SGCD: variants seen among roughly 807,000 people sequenced by gnomAD.
SGCD encodes sarcoglycan delta.
In SGCD, 18 loss-of-function variants were observed where a neutral mutation model predicts 36.6. That is an observed-to-expected ratio of 0.49 (90% confidence interval 0.34 to 0.73). The LOEUF is 0.73. SGCD is among the 30% of genes least tolerant of loss of function. The probability of loss-of-function intolerance (pLI) is 0.01; values close to 1 mark genes in which losing one functional copy is unlikely to be tolerated. For missense variants in SGCD, 387 were observed against 346.7 expected, an observed-to-expected ratio of 1.12 and a Z score of -0.92; for synonymous variants, 133 against 130.6, an observed-to-expected ratio of 1.02 and a Z score of -0.12.
At chr5:156,090,258 A>G (rs1323732339) in intron 1 of SGCD, among the ~76,000 whole-genome samples, 1 of 152,180 alleles carries the variant, frequency 6.6e-6, no homozygotes, top group Non-Finnish European at 1.5e-5. Context: ...GTGAGCATAC[A>G]CTACTATCGG....
At chr5:156,032,061 T>C (rs1406560303) in intron 1 of SGCD, among the ~76,000 whole-genome samples, 2 of 152,208 alleles carry the variant, frequency 1.3e-5, no homozygotes, top group Non-Finnish European at 2.9e-5. Flanking sequence ...TGTGTATCTC[T>C]TCAGGTTTCC....
intron 1 of SGCD, among the ~76,000 whole-genome samples, chr5:155,872,405 A>G (rs1234839166): frequency 6.6e-6 from 1 of 151,898 alleles, no homozygotes; most frequent in Non-Finnish European, 1.5e-5. Flanking sequence ...AAAACTCTAT[A>G]GCCTATTGAA....
the SGCD span, among the ~76,000 whole-genome samples, chr5:155,787,318 T>A: frequency 3.4e-4 from 51 of 152,128 alleles, no homozygotes; most frequent in Non-Finnish European, 6.6e-4. Context: ...ATGCCTCCAA[T>A]CCGATAAAAC....
At chr5:156,227,824 G>A (rs1289717774) in intron 3 of SGCD, among the ~76,000 whole-genome samples, 1 of 151,958 alleles carries the variant, frequency 6.6e-6, no homozygotes, top group Non-Finnish European at 1.5e-5. Flanking sequence ...TCTCCCGGGG[G>A]TTTTGATAGG....
chr5:156,491,969 T>C (rs987748976), intron 3 of SGCD, among the ~76,000 whole-genome samples: 5 of 152,100 alleles, frequency 3.3e-5, no homozygotes, highest in Non-Finnish European at 4.4e-5. Context: ...TGTTCTATAA[T>C]TGGGTTTCCC....
At chr5:156,219,561 C>A (rs1485512909) in intron 3 of SGCD, among the ~76,000 whole-genome samples, 1 of 152,066 alleles carries the variant, frequency 6.6e-6, no homozygotes, top group Non-Finnish European at 1.5e-5. Flanking sequence ...TAAGGATCAC[C>A]AAGTGTGTTA....
the SGCD span, among the ~76,000 whole-genome samples, chr5:155,862,951 G>A: frequency 1.3e-5 from 2 of 152,220 alleles, no homozygotes; most frequent in Admixed American, 1.3e-4. Flanking sequence ...CTGTTGGAGA[G>A]AGAAAATCCA....
the SGCD span, among the ~76,000 whole-genome samples, chr5:155,772,332 A>G: frequency 1.3e-5 from 2 of 152,200 alleles, no homozygotes; most frequent in Non-Finnish European, 2.9e-5. Flanking sequence ...TTTGTGTAGC[A>G]CTTTGATATA....
intron 3 of SGCD, among the ~76,000 whole-genome samples, chr5:156,225,964 G>A (rs553733877): frequency 1.3e-5 from 2 of 152,218 alleles, no homozygotes; most frequent in African/African-American, 2.4e-5. Flanking sequence ...AATGAAAGCT[G>A]TTGGGCATAT....
At chr5:156,541,961 A>G (rs1248857496) in intron 4 of SGCD, among the ~76,000 whole-genome samples, 1 of 152,182 alleles carries the variant, frequency 6.6e-6, no homozygotes, top group Non-Finnish European at 1.5e-5. Context: ...TATTCCTTGA[A>G]AAGTGACTAG....
the SGCD span, among the ~76,000 whole-genome samples, chr5:155,811,282 GCAACAACAACAA>G: frequency 6.6e-6 from 1 of 151,782 alleles, no homozygotes; most frequent in Admixed American, 6.6e-5. Flanking sequence ...ATTCCACAGA[GCAACAACAACAA>G]CAACAACAAC....
chr5:156,758,389 G>GTT (rs3839272), intron 8 of SGCD, among the ~76,000 whole-genome samples: 6 of 140,824 alleles, frequency 4.3e-5, no homozygotes, highest in South Asian at 2.2e-4. Flanking sequence ...AAATCTGTGT[G>GTT]TTTTTTTTTT....
chr5:156,147,225 G>C (rs1324477024), intron 3 of SGCD, among the ~76,000 whole-genome samples: 2 of 152,150 alleles, frequency 1.3e-5, no homozygotes, highest in African/African-American at 2.4e-5. Flanking sequence ...TAGGTCTTAG[G>C]TTAACAAGTA....
intron 1 of SGCD, among the ~76,000 whole-genome samples, chr5:156,108,753 C>T (rs116562807): frequency 6.6e-6 from 1 of 152,004 alleles, no homozygotes; most frequent in East Asian, 1.9e-4. Context: ...TCAGTAGAAA[C>T]TCATGGATAA....
intron 1 of SGCD, among the ~76,000 whole-genome samples, chr5:155,896,703 A>G (rs1010163897): frequency 7.9e-5 from 12 of 152,004 alleles, no homozygotes; most frequent in African/African-American, 2.7e-4. Flanking sequence ...AAAGTAGGAG[A>G]TGGAATAAGT....
At chr5:155,888,577 G>C (rs185768302) in intron 1 of SGCD, among the ~76,000 whole-genome samples, 127 of 152,294 alleles carry the variant, frequency 8.3e-4, no homozygotes, top group African/African-American at 2.9e-3. Context: ...GATAGTCGTA[G>C]AGAAGTATGA....
At chr5:155,776,920 T>C in the SGCD span, among the ~76,000 whole-genome samples, 1 of 152,120 alleles carries the variant, frequency 6.6e-6, no homozygotes, top group Non-Finnish European at 1.5e-5. Flanking sequence ...AATGGGGTTA[T>C]GGGCACCACA....
the SGCD span, among the ~76,000 whole-genome samples, chr5:155,756,808 G>A: frequency 6.6e-6 from 1 of 152,194 alleles, no homozygotes; most frequent in South Asian, 2.1e-4. Flanking sequence ...ACCACAAATA[G>A]TGAGTCTGAA....
chr5:156,547,524 G>T (rs1758627659), intron 4 of SGCD, among the ~76,000 whole-genome samples: 1 of 151,592 alleles, frequency 6.6e-6, no homozygotes, highest in Non-Finnish European at 1.5e-5. Flanking sequence ...CTCACTGCGA[G>T]CTCCGCCTCC....
Sources: gnomAD v4.1 joint callset for allele counts (sites outside exome capture counted in the v4.1 genomes callset) on GRCh38, gnomAD v4.1.1 for gene constraint, MANE v1.5 for transcripts, NCBI Gene and HGNC (gene_info 2026-07-23, HGNC 2026-07-21) for gene names.